SH3GL2: variants seen among roughly 807,000 people sequenced by gnomAD.
The protein encoded by SH3GL2 is SH3 domain containing GRB2 like 2, endophilin A1.
In SH3GL2, 24 loss-of-function variants were observed where a neutral mutation model predicts 46.0. The observed-to-expected ratio is 0.52, with a 90% confidence interval of 0.38 to 0.73. SH3GL2 has a LOEUF of 0.73. Among genes scored for constraint, SH3GL2 ranks in the 30% least tolerant of loss-of-function variants. SH3GL2 has a pLI of 0.00. For missense variants in SH3GL2, 413 were observed against 424.2 expected (o/e 0.97, Z 0.23); for synonymous variants, 196 against 147.1 (o/e 1.33, Z -2.40).
chr9:17,757,717 C>T (rs1823040037), intron 2 of SH3GL2, among the ~76,000 whole-genome samples: 2 of 152,170 alleles, frequency 1.3e-5, no homozygotes, highest in African/African-American at 4.8e-5. Flanking sequence ...CTGTACTGTT[C>T]TCAAATGGCA....
Position 17,617,383 on chromosome 9 carries a change from G to T in SH3GL2, c.45+38096G>T, listed in dbSNP as rs930261302. On this transcript the variant is annotated intron_variant, in intron 1 of 8. Transcript: ENST00000380607. The stretch of plus-strand genomic sequence containing the variant: ...CTATCATTGTTTCCCAGTGCTCCTT[G>T]GAACCCTCCTCAGGGAAATAGGCAT... 3.9e-5 allele frequency among the ~76,000 whole-genome samples: 6 copies of T among 152,290 alleles called. No individual in the cohort carries two copies. In the South Asian group the frequency reaches 1.2e-3, roughly 32 times the overall value.
rs1824277286 is a variant in SH3GL2 at position 17,796,495 on chromosome 9, A to C, written c.*752A>C. ...GGAAGAAATCTGGTATCCAAGCTTAAATTTCTTGCTATACAGAAACTATGT... is the reference window on the plus strand; with the variant it reads ...GGAAGAAATCTGGTATCCAAGCTTACATTTCTTGCTATACAGAAACTATGT... On this transcript the variant is annotated 3_prime_UTR_variant, in exon 9 of 9. Coordinates refer to ENST00000380607, the MANE Select transcript of SH3GL2 (RefSeq NM_003026.5). 1 of 152,220 alleles carries C rather than the reference A, an allele frequency of 6.6e-6. No individual in the cohort carries two copies. Among genetic ancestry groups the C allele is most frequent in the Non-Finnish European group, 1.5e-5 (1 of 68,034 alleles). 9.4% of individuals were successfully genotyped at this position (152,220 alleles called of 1,614,324 possible).
intron 1 of SH3GL2, among the ~76,000 whole-genome samples, chr9:17,651,844 G>GAAAAA (rs1819967354): frequency 6.6e-6 from 1 of 152,020 alleles, no homozygotes; most frequent in Non-Finnish European, 1.5e-5. Flanking sequence ...CATTACTTCA[G>GAAAAA]TAGTTATTTT....
At chr9:17,580,667 G>C (rs1046222388) in intron 1 of SH3GL2, among the ~76,000 whole-genome samples, 3 of 152,162 alleles carry the variant, frequency 2.0e-5, no homozygotes, top group African/African-American at 7.2e-5. Context: ...TGATTTGTTT[G>C]TTGATGTAGT....
intron 1 of SH3GL2, among the ~76,000 whole-genome samples, chr9:17,580,424 C>G (rs1238136785): frequency 5.4e-4 from 82 of 152,124 alleles, no homozygotes; most frequent in Non-Finnish European, 1.6e-4. Context: ...CCTTGGTTAA[C>G]TTAGGGTGAC....
chr9:17,685,733 G>T (rs576860834), intron 1 of SH3GL2, among the ~76,000 whole-genome samples: 3 of 151,846 alleles, frequency 2.0e-5, no homozygotes, highest in East Asian at 3.9e-4. Context: ...GTTTTTCTCA[G>T]GTTTGTCAAA....
intron 1 of SH3GL2, among the ~76,000 whole-genome samples, chr9:17,729,265 C>G (rs748046544): frequency 6.6e-6 from 1 of 152,050 alleles, no homozygotes; most frequent in Non-Finnish European, 1.5e-5. Flanking sequence ...TAAATGTCAT[C>G]TTTTGAAAAG....
intron 1 of SH3GL2, among the ~76,000 whole-genome samples, chr9:17,668,055 G>C (rs1451070764): frequency 6.6e-6 from 1 of 152,066 alleles, no homozygotes; most frequent in South Asian, 2.1e-4. Flanking sequence ...AGATATATGA[G>C]CTGCAAATAT....
chr9:17,631,670 A>G (rs1392059243), intron 1 of SH3GL2, among the ~76,000 whole-genome samples: 1 of 152,124 alleles, frequency 6.6e-6, no homozygotes, highest in Non-Finnish European at 1.5e-5. Context: ...CATGCATAGT[A>G]TTTTGGGTTC....
At chr9:17,732,236 CT>C (rs11355170) in intron 1 of SH3GL2, among the ~76,000 whole-genome samples, 44,997 of 151,928 alleles carry the variant, frequency 0.3, 8,048 homozygotes, top group African/African-American at 0.49. Flanking sequence ...GCTAATTACT[CT>C]TTTTTTCTGT....
intron 1 of SH3GL2, among the ~76,000 whole-genome samples, chr9:17,716,801 C>T (rs1821772402): frequency 6.6e-6 from 1 of 152,092 alleles, no homozygotes; most frequent in South Asian, 2.1e-4. Context: ...TGCATTGTGA[C>T]CTGGAAAATC....
chr9:17,603,925 C>A (rs906448776), intron 1 of SH3GL2, among the ~76,000 whole-genome samples: 1 of 152,108 alleles, frequency 6.6e-6, no homozygotes, highest in South Asian at 2.1e-4. Context: ...TATATATACA[C>A]TTACAAGTTA....
At chr9:17,635,719 A>G (rs1369947873) in intron 1 of SH3GL2, among the ~76,000 whole-genome samples, 4 of 152,156 alleles carry the variant, frequency 2.6e-5, no homozygotes, top group African/African-American at 9.7e-5. Context: ...GGTCTATGTT[A>G]TTTCCTTGGA....
intron 6 of SH3GL2, 51 bp from the exon 7 acceptor site, chr9:17,791,180 T>G: frequency 7.6e-7 from 1 of 1,310,956 alleles, no homozygotes; most frequent in Non-Finnish European, 1.1e-6. Context: ...AGTGGCTGTT[T>G]AGGGATGGTA....
At chr9:17,609,915 G>C (rs926874819) in intron 1 of SH3GL2, among the ~76,000 whole-genome samples, 1 of 152,190 alleles carries the variant, frequency 6.6e-6, no homozygotes, top group African/African-American at 2.4e-5. Flanking sequence ...CCACCCTAGA[G>C]AGCTCCAGAC....
intron 1 of SH3GL2, among the ~76,000 whole-genome samples, chr9:17,741,176 T>C (rs1822518137): frequency 6.6e-6 from 1 of 152,178 alleles, no homozygotes; most frequent in African/African-American, 2.4e-5. Context: ...TTAAAGTAAT[T>C]CTGTTTTAAT....
intron 6 of SH3GL2, 44 bp from the exon 7 acceptor site, chr9:17,791,187 G>A (rs1368677312): frequency 7.3e-7 from 1 of 1,365,020 alleles, no homozygotes; most frequent in East Asian, 2.3e-5. Flanking sequence ...GTTTAGGGAT[G>A]GTAACGTGTA....
chr9:17,782,156 C>T (rs980750199), intron 3 of SH3GL2, among the ~76,000 whole-genome samples: 5 of 152,116 alleles, frequency 3.3e-5, no homozygotes, highest in East Asian at 1.9e-4. Flanking sequence ...CACATTTCTT[C>T]TGTATAGGGA....
chr9:17,785,101 A>G (rs1823915496), intron 3 of SH3GL2, among the ~76,000 whole-genome samples: 1 of 152,152 alleles, frequency 6.6e-6, no homozygotes, highest in African/African-American at 2.4e-5. Flanking sequence ...TCCAGTCACC[A>G]CCAGCCTTTA....
Sources: allele counts gnomAD v4.1 joint callset (sites outside exome capture counted in the v4.1 genomes callset), GRCh38; gene constraint gnomAD v4.1.1; transcripts MANE v1.5; gene names NCBI Gene and HGNC (gene_info 2026-07-23, HGNC 2026-07-21).